KLHL1: variants seen among roughly 807,000 people sequenced by gnomAD.
KLHL1 encodes the protein kelch like family member 1, also known as kelch-like protein 1.
A neutral mutation model predicts 77.7 loss-of-function variants in KLHL1; 47 were observed. The observed-to-expected ratio is 0.60, with a 90% confidence interval of 0.48 to 0.77. The LOEUF (loss-of-function observed/expected upper bound fraction) is 0.77. Among genes scored for constraint, KLHL1 ranks in the 30% least tolerant of loss-of-function variants. KLHL1 has a pLI of 0.00. For missense variants in KLHL1, 925 were observed against 910.8 expected, an observed-to-expected ratio of 1.02 and a Z score of -0.20; for synonymous variants, 360 against 325.2, an observed-to-expected ratio of 1.11 and a Z score of -1.15.
At chr13:69,878,957 T>C (rs1880875893) in intron 5 of KLHL1, among the ~76,000 whole-genome samples, 2 of 152,110 alleles carry the variant, frequency 1.3e-5, no homozygotes, top group South Asian at 2.1e-4. Context: ...TGTAGGGACA[T>C]GGATGAAGCT....
intron 2 of KLHL1, among the ~76,000 whole-genome samples, chr13:69,975,222 T>C (rs1884508817): frequency 6.6e-6 from 1 of 152,076 alleles, no homozygotes; most frequent in South Asian, 2.1e-4. Flanking sequence ...TACCTTTCTT[T>C]AGTTTCTGAT....
chr13:70,036,835 C>CTGTT (rs1886250527), intron 1 of KLHL1, among the ~76,000 whole-genome samples: 1 of 50,684 alleles, frequency 2.0e-5, no homozygotes, highest in East Asian at 7.0e-4. Flanking sequence ...ATGCCATGGT[C>CTGTT]TTTTTTTTTT....
chr13:69,988,849 A>C (rs1008731057), intron 1 of KLHL1, among the ~76,000 whole-genome samples: 3 of 151,808 alleles, frequency 2.0e-5, no homozygotes, highest in African/African-American at 7.3e-5. Context: ...TAGATTGTGG[A>C]TATTAGAGCT....
At chr13:69,728,824 A>G (rs1431635918) in intron 8 of KLHL1, among the ~76,000 whole-genome samples, 1 of 151,902 alleles carries the variant, frequency 6.6e-6, no homozygotes, top group African/African-American at 2.4e-5. Context: ...AAAATTATTA[A>G]CATGAAGATT....
intron 7 of KLHL1, among the ~76,000 whole-genome samples, chr13:69,769,228 C>A (rs574451950): frequency 1.3e-5 from 2 of 152,220 alleles, no homozygotes; most frequent in Non-Finnish European, 2.9e-5. Flanking sequence ...TTTCTCTAGG[C>A]AGGGACTAAA....
intron 1 of KLHL1, among the ~76,000 whole-genome samples, chr13:70,072,492 A>G (rs1887159048): frequency 6.6e-6 from 1 of 152,140 alleles, no homozygotes; most frequent in Non-Finnish European, 1.5e-5. Flanking sequence ...GTTACGAAAA[A>G]GAAAACTACA....
intron 7 of KLHL1, among the ~76,000 whole-genome samples, chr13:69,780,715 T>TATATATATAC (rs1566243724): frequency 1.8e-4 from 5 of 27,792 alleles, no homozygotes; most frequent in Non-Finnish European, 3.0e-4. Context: ...TATATATATA[T>TATATATATAC]GTATATATAT....
At position 69,767,372 on chromosome 13, in the gene KLHL1, C is replaced by A. The variant is rs952471269; in HGVS notation, c.1640-26816G>T. ...AATTTTACACTTTCACAAATAAAAA[C>A]TCTTTTTTAGCAACCTCTCTTCTCT... On this transcript the variant is annotated intron_variant, in intron 7 of 10. Coordinates refer to ENST00000377844, the MANE Select transcript of KLHL1 (RefSeq NM_020866.3). 8.6e-5 allele frequency among the ~76,000 whole-genome samples: 13 copies of A among 151,988 alleles called. No homozygotes were observed. The East Asian group carries it at 1.7e-3, about 20-fold the overall frequency.
intron 1 of KLHL1, among the ~76,000 whole-genome samples, chr13:70,079,473 T>A (rs1029998170): frequency 1.3e-5 from 2 of 152,218 alleles, no homozygotes; most frequent in African/African-American, 4.8e-5. Context: ...TTCCATTTTA[T>A]AATGTCTCAA....
At chr13:69,899,192 G>A (rs1024143024) in intron 4 of KLHL1, among the ~76,000 whole-genome samples, 3 of 152,108 alleles carry the variant, frequency 2.0e-5, no homozygotes, top group Admixed American at 6.5e-5. Flanking sequence ...AATGTGATTC[G>A]ACTCGATTTG....
At chr13:69,897,195 C>A (rs1479427602) in intron 4 of KLHL1, among the ~76,000 whole-genome samples, 2 of 152,134 alleles carry the variant, frequency 1.3e-5, no homozygotes, top group Non-Finnish European at 2.9e-5. Flanking sequence ...TTGTCCTTCT[C>A]TTTAGTAAGT....
At chr13:69,873,121 C>A (rs1880645477) in intron 5 of KLHL1, among the ~76,000 whole-genome samples, 1 of 151,950 alleles carries the variant, frequency 6.6e-6, no homozygotes, top group African/African-American at 2.4e-5. Flanking sequence ...TTCCTCCTTG[C>A]CGGAATGTGG....
At chr13:70,093,575 A>G (rs1887720220) in intron 1 of KLHL1, among the ~76,000 whole-genome samples, 1 of 152,172 alleles carries the variant, frequency 6.6e-6, no homozygotes, top group Non-Finnish European at 1.5e-5. Context: ...TCCTAATCAT[A>G]AGAAAAATAT....
chr13:69,707,976 T>A (rs1176307789), intron 9 of KLHL1, among the ~76,000 whole-genome samples, 180 bp from the exon 10 acceptor site: 1 of 151,988 alleles, frequency 6.6e-6, no homozygotes, highest in Non-Finnish European at 1.5e-5. Flanking sequence ...CTTTCTAAAC[T>A]TTAAGGTATT....
rs185352602 is a variant in KLHL1, at chr13:69,939,897, G to A, written c.1014+143C>T. The A allele has an allele frequency of 1.0e-4, 51 of 512,250 alleles. No individual in the cohort carries two copies. In the Admixed American group the frequency reaches 1.6e-3, roughly 16 times the overall value. The allele number at this position is 512,250 out of a possible 1,614,324, so 31.7% of individuals were successfully genotyped here. On this transcript the variant is annotated intron_variant, in intron 4 of 10. Transcript: ENST00000377844. ...AAAATTAGAAAATACATTATGGTAC[G>A]CTATAGTTCATAACAAAAAAATGTG... is the stretch of plus-strand genomic sequence containing the variant.
chr13:69,709,605 T>A (rs532075512), intron 9 of KLHL1, among the ~76,000 whole-genome samples: 31 of 152,004 alleles, frequency 2.0e-4, no homozygotes, highest in African/African-American at 6.7e-4. Flanking sequence ...TAATAAGCAA[T>A]TATTGAAGTT....
intron 8 of KLHL1, among the ~76,000 whole-genome samples, chr13:69,730,948 T>G (rs1365564579): frequency 6.6e-6 from 1 of 152,184 alleles, no homozygotes; most frequent in East Asian, 1.9e-4. Flanking sequence ...CTGGATAGTT[T>G]TACTTTTAAT....
chr13:69,738,005 C>T (rs999262602), intron 8 of KLHL1, among the ~76,000 whole-genome samples: 9 of 152,148 alleles, frequency 5.9e-5, no homozygotes, highest in Non-Finnish European at 1.3e-4. Flanking sequence ...CAGGTTGGTG[C>T]CCCTCTGAGA....
At chr13:69,818,461 C>T (rs1232092364) in intron 6 of KLHL1, among the ~76,000 whole-genome samples, 2 of 152,026 alleles carry the variant, frequency 1.3e-5, no homozygotes, top group East Asian at 3.9e-4. Flanking sequence ...CCTCGTGATC[C>T]ACCCACCTCG....
Sources: allele counts gnomAD v4.1 joint callset (sites outside exome capture counted in the v4.1 genomes callset), GRCh38; gene constraint gnomAD v4.1.1; transcripts MANE v1.5; gene names NCBI Gene and HGNC (gene_info 2026-07-23, HGNC 2026-07-21).